ERC1: variants seen among roughly 807,000 people sequenced by gnomAD.
The protein encoded by ERC1 is RAB6 interacting protein 2.
In ERC1, 56 loss-of-function variants were observed where a neutral mutation model predicts 132.0. The observed-to-expected ratio is 0.42, with a 90% CI of 0.34 to 0.53. The LOEUF (loss-of-function observed/expected upper bound fraction) is 0.53, where lower values mean the gene tolerates loss of function less well. Among genes scored for constraint, ERC1 ranks in the 20% least tolerant of loss-of-function variants. The pLI is 0.03. For missense variants in ERC1, 1,202 were observed against 1,349.9 expected (o/e 0.89, Z 1.72); for synonymous variants, 478 against 476.1 (o/e 1.00, Z -0.05).
At position 1,072,357 on chromosome 12, in the gene ERC1, A is replaced by G. The variant is rs183387689; in HGVS notation, c.670-10807A>G. 4.6e-5 allele frequency among the ~76,000 whole-genome samples: 7 copies of G among 152,290 alleles called. No homozygotes were observed. In the East Asian group the frequency reaches 1.4e-3, roughly 29 times the overall value. On this transcript the variant is annotated intron_variant, in intron 2 of 18. Transcript: ENST00000360905. Reference sequence around the variant, plus strand: ...AAGGAAAATTTATGAAGGAAGAGCAAATTTATTTTCCTTTCAAATACGAAA... The same window carrying G: ...AAGGAAAATTTATGAAGGAAGAGCAGATTTATTTTCCTTTCAAATACGAAA...
rs750541483 is a variant in ERC1 at position 1,183,425 on chromosome 12, A to G, written c.2157+4A>G. 1 of 1,555,018 alleles carries G rather than the reference A, an allele frequency of 6.4e-7. No homozygotes were observed. The highest frequency in any genetic ancestry group is 8.8e-7 in the Non-Finnish European group (1 of 1,140,764). ...AATGGAATCACAATTGAAAAAGGTT[A>G]AAGAAAAAATTTCACATTTTTTTGC... On this transcript the variant is annotated splice_donor_region_variant and intron_variant, in intron 11 of 18. Coordinates refer to ENST00000360905, the MANE Select transcript of ERC1 (RefSeq NM_178040.4).
intron 7 of ERC1, among the ~76,000 whole-genome samples, chr12:1,127,929 T>C (rs553702765): frequency 3.9e-5 from 6 of 152,250 alleles, no homozygotes; most frequent in African/African-American, 7.2e-5. Flanking sequence ...TCTAGTACTA[T>C]CCTGAGAAAG....
At chr12:1,217,733 C>G (rs1275879627) in intron 12 of ERC1, among the ~76,000 whole-genome samples, 2 of 152,102 alleles carry the variant, frequency 1.3e-5, no homozygotes, top group Non-Finnish European at 2.9e-5. Flanking sequence ...TTGTTTTGAA[C>G]CTCGTATGGC....
At chr12:1,010,595 C>G (rs1964523888) in intron 1 of ERC1, among the ~76,000 whole-genome samples, 1 of 150,958 alleles carries the variant, frequency 6.6e-6, no homozygotes, top group African/African-American at 2.4e-5. Context: ...ACTGCAACCT[C>G]CACCTCCCAG....
chr12:1,458,070 A>G (rs1219306480), intron 18 of ERC1, among the ~76,000 whole-genome samples: 9 of 152,224 alleles, frequency 5.9e-5, no homozygotes, highest in Admixed American at 5.9e-4. Flanking sequence ...CATATTTGGT[A>G]GTGGAGCTGG....
chr12:1,015,945 A>G (rs1965435704), intron 1 of ERC1, among the ~76,000 whole-genome samples: 1 of 151,880 alleles, frequency 6.6e-6, no homozygotes, highest in East Asian at 1.9e-4. Flanking sequence ...TTTGAGATTT[A>G]TGTCAGAATT....
chr12:1,267,657 G>C (rs1392462168), intron 14 of ERC1, among the ~76,000 whole-genome samples: 1 of 152,142 alleles, frequency 6.6e-6, no homozygotes, highest in African/African-American at 2.4e-5. Context: ...AGCTACTTGA[G>C]GGACTGAGGT....
intron 18 of ERC1, among the ~76,000 whole-genome samples, chr12:1,447,191 T>C (rs1379539943): frequency 1.3e-5 from 2 of 152,138 alleles, no homozygotes; most frequent in African/African-American, 4.8e-5. Context: ...TAGAGACTTT[T>C]GCTTCAGAAT....
At chr12:1,121,625 G>T (rs1342788604) in intron 7 of ERC1, among the ~76,000 whole-genome samples, 1 of 151,562 alleles carries the variant, frequency 6.6e-6, no homozygotes, top group Non-Finnish European at 1.5e-5. Context: ...AGTGGCAAAT[G>T]AAACAAAGGC....
intron 17 of ERC1, among the ~76,000 whole-genome samples, chr12:1,429,604 A>G (rs1203219394): frequency 6.6e-6 from 1 of 152,240 alleles, no homozygotes; most frequent in Non-Finnish European, 1.5e-5. Flanking sequence ...GTGGTAAAAA[A>G]TACATGTTTC....
chr12:1,281,633 G>T (rs908453117), intron 14 of ERC1, among the ~76,000 whole-genome samples: 1 of 152,136 alleles, frequency 6.6e-6, no homozygotes, highest in Admixed American at 6.5e-5. Context: ...TGTGTTAATT[G>T]ATTCCATTAC....
chr12:1,455,350 C>G (rs1207038166), intron 18 of ERC1, among the ~76,000 whole-genome samples: 1 of 152,184 alleles, frequency 6.6e-6, no homozygotes, highest in Non-Finnish European at 1.5e-5. Context: ...CACTAATCAG[C>G]CTCTCTTCAG....
chr12:1,028,950 G>C (rs189978115), intron 2 of ERC1, among the ~76,000 whole-genome samples: 2 of 151,320 alleles, frequency 1.3e-5, no homozygotes, highest in East Asian at 3.9e-4. Flanking sequence ...TAAATGTAAG[G>C]TATACCATTA....
chr12:1,299,377 TG>T (rs1409907092), intron 15 of ERC1, among the ~76,000 whole-genome samples: 1 of 152,100 alleles, frequency 6.6e-6, no homozygotes, highest in Non-Finnish European at 1.5e-5. Context: ...ACTTAGAAAA[TG>T]TTTGGAAATT....
intron 16 of ERC1, among the ~76,000 whole-genome samples, chr12:1,397,140 C>T (rs918498732): frequency 6.6e-6 from 1 of 152,120 alleles, no homozygotes; most frequent in Admixed American, 6.5e-5. Flanking sequence ...TGACCAAAAT[C>T]GAGAATTTAA....
At chr12:1,153,975 C>T (rs1236107878) in intron 8 of ERC1, among the ~76,000 whole-genome samples, 1 of 152,066 alleles carries the variant, frequency 6.6e-6, no homozygotes, top group Non-Finnish European at 1.5e-5. Context: ...GGTAATTTTT[C>T]ATTTCTCCCC....
Position 1,250,007 on chromosome 12 carries a change from G to C in ERC1, c.2488-13027G>C, listed in dbSNP as rs183687886. Among the ~76,000 whole-genome samples, 138 of 152,242 alleles carry C rather than the reference G, an allele frequency of 9.1e-4. 1 individual carries two copies. Among genetic ancestry groups the C allele is most frequent in the African/African-American group, 3.2e-3 (132 of 41,548 alleles). ...ATCACATTGGTGATTAGATTTCAAC[G>C]TTTGAATTTTGGGAGCACACAAAAT... On this transcript the variant is annotated intron_variant, in intron 13 of 18. Coordinates refer to ENST00000360905, the MANE Select transcript of ERC1 (RefSeq NM_178040.4).
chr12:1,306,592 A>T (rs1049791462), intron 15 of ERC1, among the ~76,000 whole-genome samples: 1 of 152,198 alleles, frequency 6.6e-6, no homozygotes, highest in Non-Finnish European at 1.5e-5. Context: ...CGGGAGATGA[A>T]TGAAATTGTT....
chr12:1,454,066 A>G (rs1180915190), intron 18 of ERC1, among the ~76,000 whole-genome samples: 1 of 152,080 alleles, frequency 6.6e-6, no homozygotes, highest in East Asian at 1.9e-4. Flanking sequence ...GCCTCTAGAG[A>G]GAGGAGGGGA....
Sources: gnomAD v4.1 joint callset for allele counts (sites outside exome capture counted in the v4.1 genomes callset) on GRCh38, gnomAD v4.1.1 for gene constraint, MANE v1.5 for transcripts, NCBI Gene and HGNC (gene_info 2026-07-23, HGNC 2026-07-21) for gene names.